SPAG16: variants seen among roughly 807,000 people sequenced by gnomAD.
SPAG16 encodes sperm-associated antigen 16 protein.
In SPAG16, 86 loss-of-function variants were observed where a neutral mutation model predicts 80.4. The observed-to-expected ratio is 1.07, with a 90% CI of 0.90 to 1.28. The LOEUF is 1.28. Ranked by LOEUF, SPAG16 falls within the 50% of genes most tolerant of loss-of-function variation. The pLI, the probability that SPAG16 is intolerant of heterozygous loss-of-function variation, is 0.00. For missense variants in SPAG16, 870 were observed against 765.3 expected (o/e 1.14, Z -1.61); for synonymous variants, 294 against 265.9 (o/e 1.11, Z -1.03).
intron 12 of SPAG16, among the ~76,000 whole-genome samples, chr2:213,933,562 G>A (rs1467976658): frequency 6.6e-6 from 1 of 152,156 alleles, no homozygotes; most frequent in Non-Finnish European, 1.5e-5. Flanking sequence ...AAGGAGAAGG[G>A]GTCGGAAACA....
chr2:214,242,706 C>T (rs1689577258), intron 15 of SPAG16, among the ~76,000 whole-genome samples: 1 of 151,918 alleles, frequency 6.6e-6, no homozygotes, highest in Admixed American at 6.6e-5. Flanking sequence ...AAAATAAATG[C>T]CCACTGTGTA....
intron 2 of SPAG16, among the ~76,000 whole-genome samples, chr2:213,296,832 C>T (rs1216843638): frequency 2.6e-5 from 4 of 152,182 alleles, no homozygotes; most frequent in East Asian, 1.9e-4. Flanking sequence ...ATCATAATTG[C>T]AATCCATCAC....
At chr2:213,594,924 G>T (rs1344315472) in intron 10 of SPAG16, among the ~76,000 whole-genome samples, 1 of 151,802 alleles carries the variant, frequency 6.6e-6, no homozygotes, top group East Asian at 1.9e-4. Flanking sequence ...ACTTACTTTT[G>T]CATTGTCCAT....
chr2:213,400,134 C>T (rs2068237464), intron 9 of SPAG16, among the ~76,000 whole-genome samples: 1 of 151,810 alleles, frequency 6.6e-6, no homozygotes. Context: ...TTATGTTTAG[C>T]TTTTTTCTTG....
chr2:214,148,163 A>C (rs777659644), intron 14 of SPAG16, among the ~76,000 whole-genome samples: 1 of 152,212 alleles, frequency 6.6e-6, no homozygotes, highest in Non-Finnish European at 1.5e-5. Context: ...GTGAGTGGAC[A>C]AAGAAATTAA....
intron 10 of SPAG16, among the ~76,000 whole-genome samples, chr2:213,686,751 G>A (rs1041940725): frequency 9.2e-5 from 12 of 130,162 alleles, no homozygotes; most frequent in Admixed American, 3.9e-4. Context: ...TAGTGGTGCC[G>A]TCTCGGCTCA....
intron 10 of SPAG16, among the ~76,000 whole-genome samples, chr2:213,687,741 T>C (rs963752443): frequency 1.3e-5 from 2 of 152,196 alleles, no homozygotes; most frequent in Non-Finnish European, 2.9e-5. Flanking sequence ...GTTTTCTTCA[T>C]GTTTCTTGTG....
chr2:213,754,479 G>T (rs1421576364), intron 10 of SPAG16, among the ~76,000 whole-genome samples: 1 of 152,094 alleles, frequency 6.6e-6, no homozygotes, highest in Admixed American at 6.5e-5. Context: ...TTAGTCTAAT[G>T]TGCTTTTCAT....
chr2:213,296,035 T>C, intron 1 of SPAG16, 29 bp from the exon 2 acceptor site: 1 of 1,594,804 alleles, frequency 6.3e-7, no homozygotes, highest in Non-Finnish European at 8.6e-7. Flanking sequence ...TCTATATTTT[T>C]TGAGATTAAA....
intron 10 of SPAG16, among the ~76,000 whole-genome samples, chr2:213,676,197 G>A (rs2064064598): frequency 6.6e-6 from 1 of 152,066 alleles, no homozygotes; most frequent in Admixed American, 6.5e-5. Context: ...TGTTATTGGT[G>A]TATAAGAATG....
chr2:213,737,190 G>T (rs2067319662), intron 10 of SPAG16, among the ~76,000 whole-genome samples: 1 of 152,014 alleles, frequency 6.6e-6, no homozygotes, highest in South Asian at 2.1e-4. Flanking sequence ...TAACTTTCTA[G>T]AAAAAATTAT....
At chr2:213,539,348 T>C (rs58694237) in intron 10 of SPAG16, among the ~76,000 whole-genome samples, 11,923 of 152,156 alleles carry the variant, frequency 0.078, 1,163 homozygotes, top group African/African-American at 0.23. Context: ...TCATAGCTTG[T>C]GGTGACAATG....
intron 13 of SPAG16, among the ~76,000 whole-genome samples, chr2:214,023,082 A>C (rs758591157): frequency 6.6e-6 from 1 of 151,912 alleles, no homozygotes; most frequent in Non-Finnish European, 1.5e-5. Context: ...CCATTTTATT[A>C]TGCCTTTTAT....
chr2:214,283,860 T>G (rs1693148422), intron 15 of SPAG16, among the ~76,000 whole-genome samples: 1 of 152,170 alleles, frequency 6.6e-6, no homozygotes, highest in Non-Finnish European at 1.5e-5. Flanking sequence ...CACTTTGAAT[T>G]TAATCTTTAG....
chr2:213,647,080 T>C (rs2062848461), intron 10 of SPAG16, among the ~76,000 whole-genome samples: 2 of 152,062 alleles, frequency 1.3e-5, no homozygotes, highest in Admixed American at 1.3e-4. Context: ...CAAACAGGCT[T>C]CAGAAGGGTT....
chr2:214,244,997 A>G (rs1159334932), intron 15 of SPAG16, among the ~76,000 whole-genome samples: 1 of 152,124 alleles, frequency 6.6e-6, no homozygotes, highest in Non-Finnish European at 1.5e-5. Context: ...TTACTATGCC[A>G]GGACATTCTT....
chr2:213,738,239 G>A (rs1317023696), intron 10 of SPAG16, among the ~76,000 whole-genome samples: 1 of 152,112 alleles, frequency 6.6e-6, no homozygotes, highest in Non-Finnish European at 1.5e-5. Flanking sequence ...TACATTTCAA[G>A]ACCCCCAGTG....
At chr2:214,005,220 C>A (rs2046975213) in intron 12 of SPAG16, among the ~76,000 whole-genome samples, 1 of 152,166 alleles carries the variant, frequency 6.6e-6, no homozygotes, top group Non-Finnish European at 1.5e-5. Context: ...AGCCCTCCTG[C>A]ACCCATATTC....
intron 9 of SPAG16, among the ~76,000 whole-genome samples, chr2:213,457,097 A>G (rs754491184): frequency 7.9e-5 from 12 of 151,998 alleles, no homozygotes; most frequent in Middle Eastern, 6.3e-3. Flanking sequence ...CTTTTCTCCC[A>G]GAAATCATGC....
Sources: gnomAD v4.1 joint callset for allele counts (sites outside exome capture counted in the v4.1 genomes callset) on GRCh38, gnomAD v4.1.1 for gene constraint, MANE v1.5 for transcripts, NCBI Gene and HGNC (gene_info 2026-07-23, HGNC 2026-07-21) for gene names.